RPLP0: variants seen among roughly 807,000 people sequenced by gnomAD.
The protein encoded by RPLP0 is large ribosomal subunit protein uL10.
For missense variants in RPLP0, 276 were observed against 402.9 expected (o/e 0.69, Z 2.70); for synonymous variants, 137 against 153.4 (o/e 0.89, Z 0.79).
intron 2 of RPLP0, 60 bp from the exon 3 acceptor site, chr12:120,199,545 G>T: frequency 6.6e-7 from 1 of 1,522,528 alleles, no homozygotes; most frequent in Non-Finnish European, 8.9e-7. Flanking sequence ...AAAAATGCCA[G>T]AAGAAACTGA....
intron 2 of RPLP0, chr12:120,199,705 GTT>G (rs959177048): frequency 9.3e-6 from 5 of 535,332 alleles, no homozygotes; most frequent in Middle Eastern, 4.0e-4. Context: ...CAATCAAGGA[GTT>G]TTTTCTTTTT....
rs149840097 is a variant in RPLP0, at chr12:120,198,983, A to T, written c.336T>A (p.Arg112=). ...LLANKVPAAA[R]AGAIAPCEVT... Reference sequence around the variant, plus strand: ...CTTCACATGGGGCAATGGCACCAGCACGGGCAGCAGCTGGCACCTGACAAA... The same window carrying T: ...CTTCACATGGGGCAATGGCACCAGCTCGGGCAGCAGCTGGCACCTGACAAA... The change falls in exon 5 of 8, where the codon CGT becomes CGA. Residue 112 remains arginine, a synonymous_variant. Transcript: ENST00000392514. This position sits in a 1 kb window ranked among gnomAD's most constrained non-coding sequence, Gnocchi z 4.1. The T allele has an allele frequency of 6.2e-7, 1 of 1,614,202 alleles. No homozygotes were observed. The highest frequency in any genetic ancestry group is 1.7e-5 in the Admixed American group (1 of 60,026).
intron 7 of RPLP0, 70 bp from the exon 8 acceptor site, chr12:120,197,004 G>A: frequency 1.3e-6 from 2 of 1,599,650 alleles, no homozygotes; most frequent in South Asian, 1.1e-5. Context: ...CTCCTGCCTT[G>A]GTAGAGTTTA....
Position 120,199,501 on chromosome 12 carries a change from CAG to C in RPLP0, c.55-18_55-17del. The C allele has an allele frequency of 1.9e-6, 3 of 1,610,584 alleles. No homozygotes were observed. Among genetic ancestry groups the C allele is most frequent in the Non-Finnish European group, 2.5e-6 (3 of 1,178,396 alleles). Reference sequence around the variant, plus strand: ...CCAATAGTTGCTACAAAAAACAAGCCAGAGGAGCCAAGTTTAACAGGAAGAGA... The same window carrying C: ...CCAATAGTTGCTACAAAAAACAAGCCAGGAGCCAAGTTTAACAGGAAGAGA... On this transcript the variant is annotated splice_polypyrimidine_tract_variant and intron_variant, in intron 2 of 7. Transcript: ENST00000392514.
intron 6 of RPLP0, chr12:120,197,737 CTAACG>C (rs1216622535): frequency 2.5e-6 from 1 of 399,808 alleles, no homozygotes; most frequent in Non-Finnish European, 4.6e-6. Flanking sequence ...GCATAAACGA[CTAACG>C]TAGCCATTGA....
rs1566327640 is a variant in RPLP0, at chr12:120,198,428, A to T, written c.651+126T>A. ...AATCCTTCAACAATCTTATGTTGTT[A>T]CTGACATTTTACAGATGAGGTAGGT... On this transcript the variant is annotated intron_variant, in intron 6 of 7. Transcript: ENST00000392514. The surrounding 1 kb of genome is among the most constrained non-coding windows in gnomAD (Gnocchi z 4.1). 1 of 971,366 alleles carries T rather than the reference A, an allele frequency of 1.0e-6. No homozygotes were observed. The highest frequency in any genetic ancestry group is 2.6e-5 in the East Asian group (1 of 38,324). 60.2% of individuals were successfully genotyped at this position (971,366 alleles called of 1,614,324 possible).
rs572962769 is a variant in RPLP0, at chr12:120,198,929, G to A, written c.390C>T (p.Leu130=). 5.0e-6 allele frequency: 8 copies of A among 1,612,854 alleles called. No individual in the cohort carries two copies. The highest frequency in any genetic ancestry group is 2.2e-5 in the East Asian group (1 of 44,888). ...EVTVPAQNTG[L]GPEKTSFFQA... Reference sequence around the variant, plus strand: ...GGAAAAAGGAGGTCTTCTCGGGCCCGAGACCAGTGTTCTGGGCTGGCACAG... The same window carrying A: ...GGAAAAAGGAGGTCTTCTCGGGCCCAAGACCAGTGTTCTGGGCTGGCACAG... The change falls in exon 5 of 8, where the codon CTC becomes CTT. Residue 130 remains leucine, a synonymous_variant. Transcript: ENST00000392514. This position sits in a 1 kb window ranked among gnomAD's most constrained non-coding sequence, Gnocchi z 4.1.
chr12:120,200,581 A>G, intron 2 of RPLP0, 149 bp downstream of exon 2: 1 of 795,960 alleles, frequency 1.3e-6, no homozygotes, highest in South Asian at 1.9e-5. Flanking sequence ...GAAGGGACCT[A>G]TCTCAGGAAA....
At chr12:120,199,537 A>G (rs1353479702) in intron 2 of RPLP0, 52 bp from the exon 3 acceptor site, 2 of 1,560,526 alleles carry the variant, frequency 1.3e-6, no homozygotes, top group Non-Finnish European at 1.7e-6. Context: ...GAGAGGGAAA[A>G]AATGCCAGAA....
chr12:120,199,322 G>A lies in RPLP0; in HGVS notation c.218C>T (p.Pro73Leu). The A allele has an allele frequency of 6.2e-7, 1 of 1,614,188 alleles. No homozygotes were observed. The change falls in exon 3 of 8, where the codon CCA (proline) becomes CTA (leucine). Residue 73 changes from proline (P) to leucine (L), a missense_variant. Pro to Leu is a moderately conservative substitution (Grantham distance 98). Transcript: ENST00000392514. Reference sequence around the variant, plus strand: ...CAGGGGAACTGACTTCTCCAGAGCTGGGTTGTTTTCCAGGTGCCCTCGGAT... The same window carrying A: ...CAGGGGAACTGACTTCTCCAGAGCTAGGTTGTTTTCCAGGTGCCCTCGGAT... ...KAIRGHLENN[P>L]ALEKLLPHIR...
Position 120,198,714 on chromosome 12 carries a change from C to T in RPLP0, c.491G>A (p.Gly164Glu). The T allele has an allele frequency of 6.2e-7, 1 of 1,614,018 alleles. No homozygotes were observed. The highest frequency in any genetic ancestry group is 1.1e-5 in the South Asian group (1 of 91,080). The change falls in exon 6 of 8, where the codon GGA becomes GAA. Residue 164 changes from glycine (G) to glutamate (E), a missense_variant. Gly to Glu is a moderately conservative substitution (Grantham distance 98). Transcript: ENST00000392514. This position sits in a 1 kb window ranked among gnomAD's most constrained non-coding sequence, Gnocchi z 4.1. ...GGCTTCGCTGGCTCCCACTTTGTCT[C>T]CAGTCTTGATCAGCTGCACATCACT... ...ILSDVQLIKTGDKVGASEATL... is the reference protein window; with the variant it reads ...ILSDVQLIKTEDKVGASEATL...
At chr12:120,197,139 T>G (rs1022464154) in intron 7 of RPLP0, 183 bp downstream of exon 7, 3 of 1,027,188 alleles carry the variant, frequency 2.9e-6, no homozygotes, top group Admixed American at 2.2e-5. Flanking sequence ...TAACCCCCTC[T>G]TTGGGTCTCT....
rs1177789631 is a variant in RPLP0 at position 120,198,179 on chromosome 12, G to A, written c.651+375C>T. On this transcript the variant is annotated intron_variant, in intron 6 of 7. Coordinates refer to ENST00000392514, the MANE Select transcript of RPLP0 (RefSeq NM_001002.4). The surrounding 1 kb of genome is among the most constrained non-coding windows in gnomAD (Gnocchi z 4.1). ...GGAGGCCGAGTTGGGCGGATCACGA[G>A]GTCAGGAGATCGACACCATCCTGGC... is the stretch of plus-strand genomic sequence containing the variant. Among the ~76,000 whole-genome samples, 1 of 151,624 alleles carries A rather than the reference G, an allele frequency of 6.6e-6. No individual in the cohort carries two copies. The highest frequency in any genetic ancestry group is 1.5e-5 in the Non-Finnish European group (1 of 67,842).
In RPLP0 at chr12:120,198,785, G is replaced by A; in HGVS notation, c.466-46C>T. The A allele has an allele frequency of 6.2e-7, 1 of 1,607,416 alleles. No homozygotes were observed. Among genetic ancestry groups the A allele is most frequent in the South Asian group, 1.1e-5 (1 of 90,932 alleles). On this transcript the variant is annotated intron_variant, in intron 5 of 7. Transcript: ENST00000392514. The surrounding 1 kb of genome is among the most constrained non-coding windows in gnomAD (Gnocchi z 4.1). ...GCAGTAAACACCTGTTGGACAACCA[G>A]CAGATCCATGGCCACTAAAAGCAGC...
In RPLP0 at chr12:120,198,728, C is replaced by T; in HGVS notation, c.477G>A (p.Gln159=). 2 of 1,613,894 alleles carry T rather than the reference C, an allele frequency of 1.2e-6. No homozygotes were observed. The highest frequency in any genetic ancestry group is 1.7e-6 in the Non-Finnish European group (2 of 1,179,766). Residue 159 remains glutamine, a synonymous_variant, in exon 6 of 8, where the codon CAG becomes CAA. Coordinates refer to ENST00000392514, the MANE Select transcript of RPLP0 (RefSeq NM_001002.4). The surrounding 1 kb of genome is among the most constrained non-coding windows in gnomAD (Gnocchi z 4.1). ...RGTIEILSDV[Q]LIKTGDKVGA... ...CCACTTTGTCTCCAGTCTTGATCAGCTGCACATCACTCTGAACCAGATAAT... is the reference window on the plus strand; with the variant it reads ...CCACTTTGTCTCCAGTCTTGATCAGTTGCACATCACTCTGAACCAGATAAT...
In RPLP0 at chr12:120,198,965, T is replaced by A. The variant is rs762328451; in HGVS notation, c.354A>T (p.Pro118=). ...TCTGGGCTGGCACAGTGACTTCACA[T>A]GGGGCAATGGCACCAGCACGGGCAG... The part of the protein sequence containing the change: ...PAAARAGAIA[P]CEVTVPAQNT... The change falls in exon 5 of 8, where the codon CCA becomes CCT. Residue 118 remains proline, a synonymous_variant. Transcript: ENST00000392514. This position sits in a 1 kb window ranked among gnomAD's most constrained non-coding sequence, Gnocchi z 4.1. The A allele has an allele frequency of 1.2e-6, 2 of 1,613,924 alleles. No individual in the cohort carries two copies. Among genetic ancestry groups the A allele is most frequent in the South Asian group, 2.2e-5 (2 of 91,080 alleles).
At chr12:120,200,648 A>G (rs1360633015) in intron 2 of RPLP0, 82 bp downstream of exon 2, 1 of 1,476,190 alleles carries the variant, frequency 6.8e-7, no homozygotes, top group Non-Finnish European at 9.2e-7. Flanking sequence ...CGGTGTGAGT[A>G]GACCCTCAGC....
intron 2 of RPLP0, chr12:120,199,980 G>C: frequency 2.2e-6 from 1 of 454,984 alleles, no homozygotes; most frequent in Non-Finnish European, 4.4e-6. Flanking sequence ...TACAAGCTAT[G>C]CTCTACAATG....
chr12:120,198,177 G>A lies in RPLP0; in HGVS notation c.651+377C>T, dbSNP rs1407542512. ...TGGGAGGCCGAGTTGGGCGGATCACGAGGTCAGGAGATCGACACCATCCTG... is the reference window on the plus strand; with the variant it reads ...TGGGAGGCCGAGTTGGGCGGATCACAAGGTCAGGAGATCGACACCATCCTG... On this transcript the variant is annotated intron_variant, in intron 6 of 7. Coordinates refer to ENST00000392514, the MANE Select transcript of RPLP0 (RefSeq NM_001002.4). The surrounding 1 kb of genome is among the most constrained non-coding windows in gnomAD (Gnocchi z 4.1). Among the ~76,000 whole-genome samples, 3 of 151,880 alleles carry A rather than the reference G, an allele frequency of 2.0e-5. No homozygotes were observed. The highest frequency in any genetic ancestry group is 2.1e-4 in the South Asian group (1 of 4,820).
Sources: gnomAD v4.1 joint callset for allele counts (sites outside exome capture counted in the v4.1 genomes callset) on GRCh38, gnomAD v4.1.1 for gene constraint, Gnocchi (gnomAD v3.1) non-coding constraint, MANE v1.5 for transcripts, NCBI Gene and HGNC (gene_info 2026-07-23, HGNC 2026-07-21) for gene names.